The following XPO6 variants were observed in gnomAD, a reference collection of about 807,000 sequenced individuals.
XPO6 encodes exportin-6.
XPO6 carries 3 observed loss-of-function variants against 130.0 expected under a neutral mutation model. That is an observed-to-expected ratio of 0.02 (90% CI 0.01 to 0.06). XPO6 has a LOEUF of 0.06. Ranked by LOEUF, XPO6 falls within the 10% of genes least tolerant of loss-of-function variation. The probability of loss-of-function intolerance (pLI) is 1.00; values close to 1 mark genes in which losing one functional copy is unlikely to be tolerated. For synonymous variants in XPO6, 524 were observed against 548.9 expected (o/e 0.95, Z 0.63); for missense variants, 970 against 1,393.0 (o/e 0.70, Z 4.83).
chr16:28,173,199 G>A (rs2043482247), intron 4 of XPO6: 1 of 152,124 alleles, frequency 6.6e-6, no homozygotes, highest in East Asian at 1.9e-4. Flanking sequence ...AGGAGGTCCT[G>A]GAACCAATCC....
In XPO6 at chr16:28,133,900, T is replaced by C; in HGVS notation, c.1477A>G (p.Ser493Gly). 1 of 1,614,040 alleles carries C rather than the reference T, an allele frequency of 6.2e-7. No individual in the cohort carries two copies. Among genetic ancestry groups the C allele is most frequent in the Non-Finnish European group, 8.5e-7 (1 of 1,180,002 alleles). The stretch of plus-strand genomic sequence containing the variant: ...ATCACTTTGGCCACCACCTCCAAGC[T>C]CTGCCGTAAGTACCGCTGCCACTCC... ...QTEWQRYLRQSLEVVAKVMEL... is the reference protein window; with the variant it reads ...QTEWQRYLRQGLEVVAKVMEL... Residue 493 changes from serine (S) to glycine (G), a missense_variant, in exon 11 of 24, where the codon AGC (serine) becomes GGC (glycine). Around this residue, in one of 4 missense-constraint regions of XPO6, gnomAD observed 936 missense variants for 1,306.8 expected, o/e 0.72. Coordinates refer to ENST00000304658, the MANE Select transcript of XPO6 (RefSeq NM_015171.4).
chr16:28,181,166 T>C lies in XPO6; in HGVS notation c.4-135A>G, dbSNP rs2141872275. The stretch of plus-strand genomic sequence containing the variant: ...CTTGGTTCAACATTCTTCAAATGCA[T>C]GGTATATGCCAGAAAAAACTGAAGG... On this transcript the variant is annotated intron_variant, in intron 1 of 23. Coordinates refer to ENST00000304658, the MANE Select transcript of XPO6 (RefSeq NM_015171.4). 3.1e-6 allele frequency: 2 copies of C among 649,458 alleles called. 1 individual carries two copies. Among genetic ancestry groups the C allele is most frequent in the Middle Eastern group, 5.3e-4 (2 of 3,742 alleles). 40.2% of individuals were successfully genotyped at this position (649,458 alleles called of 1,614,324 possible). A position where few individuals can be genotyped will look rare whatever the true frequency, so the allele number is the denominator to read the frequency against.
chr16:28,112,625 C>G (rs949604114), intron 16 of XPO6, among the ~76,000 whole-genome samples: 18 of 152,276 alleles, frequency 1.2e-4, no homozygotes, highest in African/African-American at 4.1e-4. Flanking sequence ...AGAATTCTCA[C>G]AACACTGGCC....
At chr16:28,105,145 TGGTCTTACACAACCAC>T (rs1052510538) in intron 20 of XPO6, among the ~76,000 whole-genome samples, 6 of 152,356 alleles carry the variant, frequency 3.9e-5, no homozygotes, top group African/African-American at 1.4e-4. Context: ...ACTAACCTGT[TGGTCTTACACAACCAC>T]GGAGGCTAAA....
chr16:28,135,790 C>A (rs1444498505), intron 9 of XPO6, among the ~76,000 whole-genome samples: 1 of 152,158 alleles, frequency 6.6e-6, no homozygotes, highest in African/African-American at 2.4e-5. Flanking sequence ...ACAGGAGAAT[C>A]TAATCCACTA....
chr16:28,148,015 C>CA (rs2043016613), intron 8 of XPO6, among the ~76,000 whole-genome samples: 2 of 152,164 alleles, frequency 1.3e-5, no homozygotes, highest in Non-Finnish European at 1.5e-5. Context: ...AAGAGACACA[C>CA]TCTTGTCCTA....
At chr16:28,134,935 G>A (rs1380346218) in intron 10 of XPO6, among the ~76,000 whole-genome samples, 2 of 152,158 alleles carry the variant, frequency 1.3e-5, no homozygotes, top group African/African-American at 4.8e-5. Flanking sequence ...GAGACAGAGA[G>A]GATACAGAGT....
intron 1 of XPO6, among the ~76,000 whole-genome samples, chr16:28,209,877 G>A (rs942920602): frequency 2.0e-5 from 3 of 152,036 alleles, no homozygotes; most frequent in South Asian, 2.1e-4. Flanking sequence ...GGTGGCTCAC[G>A]CCTGTAATCC....
chr16:28,098,475 G>T lies in XPO6; in HGVS notation c.*63C>A. 6.9e-7 allele frequency: 1 copy of T among 1,448,986 alleles called. No individual in the cohort carries two copies. The highest frequency in any genetic ancestry group is 9.5e-7 in the Non-Finnish European group (1 of 1,047,238). The allele number at this position is 1,448,986 out of a possible 1,614,324, so 89.8% of individuals were successfully genotyped here. A position where few individuals can be genotyped will look rare whatever the true frequency, so the allele number is the denominator to read the frequency against. ...AAGGCCCATCTGGGAGACATCTGTGGTGGAAGGTAGGGCTGGCGCAGGTGG... is the reference window on the plus strand; with the variant it reads ...AAGGCCCATCTGGGAGACATCTGTGTTGGAAGGTAGGGCTGGCGCAGGTGG... On this transcript the variant is annotated 3_prime_UTR_variant, in exon 24 of 24. Coordinates refer to ENST00000304658, the MANE Select transcript of XPO6 (RefSeq NM_015171.4).
At chr16:28,201,743 C>G (rs924668871) in intron 1 of XPO6, among the ~76,000 whole-genome samples, 2 of 152,160 alleles carry the variant, frequency 1.3e-5, no homozygotes. Flanking sequence ...GTAGTCCCAG[C>G]TACTCGGGAG....
In XPO6 at chr16:28,101,849, T is replaced by C; in HGVS notation, c.3043A>G (p.Lys1015Glu). The change falls in exon 22 of 24, where the codon AAG (lysine) becomes GAG (glutamate). Residue 1015 changes from lysine (K) to glutamate (E), a missense_variant and splice_region_variant. Lys to Glu is a moderately conservative substitution (Grantham distance 56). Around this residue, in one of 4 missense-constraint regions of XPO6, gnomAD observed 936 missense variants for 1,306.8 expected, o/e 0.72. Transcript: ENST00000304658. This position sits in a 1 kb window ranked among gnomAD's most constrained non-coding sequence, Gnocchi z 5.4. ...TLNTKQKLYHKKIFRTAMLFQ... is the reference protein window; with the variant it reads ...TLNTKQKLYHEKIFRTAMLFQ... ...TTTCCAAGAGCTGGGGCACTTACCTTGTGGTACAGCTTCTGCTTGGTGTTG... is the reference window on the plus strand; with the variant it reads ...TTTCCAAGAGCTGGGGCACTTACCTCGTGGTACAGCTTCTGCTTGGTGTTG... The C allele has an allele frequency of 6.2e-7, 1 of 1,613,866 alleles. No individual in the cohort carries two copies. Among genetic ancestry groups the C allele is most frequent in the Non-Finnish European group, 8.5e-7 (1 of 1,179,846 alleles).
At chr16:28,180,833 A>G in intron 2 of XPO6, 108 bp downstream of exon 2, 1 of 811,692 alleles carries the variant, frequency 1.2e-6, no homozygotes, top group Non-Finnish European at 1.8e-6. Context: ...GCAAGAATTC[A>G]AGTGGAAAGC....
chr16:28,128,077 A>T (rs992991956), intron 12 of XPO6, among the ~76,000 whole-genome samples: 4 of 152,210 alleles, frequency 2.6e-5, no homozygotes, highest in African/African-American at 9.7e-5. Flanking sequence ...GAAAGGGAAC[A>T]CAGACTTCAT....
At chr16:28,100,650 G>A (rs568025875) in intron 23 of XPO6, among the ~76,000 whole-genome samples, 1 of 152,360 alleles carries the variant, frequency 6.6e-6, no homozygotes, top group African/African-American at 2.4e-5. Flanking sequence ...GGACCAGGGA[G>A]AAAGCGATTT....
At chr16:28,146,330 G>A (rs2042982222) in intron 8 of XPO6, 127 bp from the exon 9 acceptor site, 1 of 764,468 alleles carries the variant, frequency 1.3e-6, no homozygotes, top group Non-Finnish European at 2.1e-6. Context: ...CAGTTTCCTG[G>A]TAACCAAAAC....
intron 9 of XPO6, among the ~76,000 whole-genome samples, chr16:28,140,628 A>T (rs1382378045): frequency 6.6e-6 from 1 of 151,782 alleles, no homozygotes; most frequent in Non-Finnish European, 1.5e-5. Flanking sequence ...CAGTGAGCCA[A>T]GATCACGCCA....
chr16:28,135,311 G>C lies in XPO6; in HGVS notation c.1348C>G (p.Leu450Val), dbSNP rs765098197. ...EAVLNRYEDA[L>V]VLLLTEVLNR... is the part of the protein sequence containing the mutation. ...AACACCTCTGTGAGCAGGAGCACCA[G>C]GGCATCTTCGTACCTATGTGGCAGG... Residue 450 changes from leucine to valine, a missense_variant, in exon 10 of 24, where the codon CTG becomes GTG. Transcript: ENST00000304658. 3.1e-6 allele frequency: 5 copies of C among 1,613,634 alleles called. No homozygotes were observed. In the Admixed American group the frequency reaches 8.3e-5, roughly 27 times the overall value.
At chr16:28,203,661 C>G (rs1476628489) in intron 1 of XPO6, among the ~76,000 whole-genome samples, 1 of 152,198 alleles carries the variant, frequency 6.6e-6, no homozygotes, top group East Asian at 1.9e-4. Context: ...CTGATTAAAA[C>G]TTTCTACTAC....
intron 7 of XPO6, chr16:28,155,760 A>C: frequency 3.2e-6 from 1 of 314,128 alleles, no homozygotes; most frequent in Non-Finnish European, 5.4e-6. Flanking sequence ...CAGTCCCTGC[A>C]CCACCTCAGA....
Sources: gnomAD v4.1 joint callset for allele counts (sites outside exome capture counted in the v4.1 genomes callset) on GRCh38, gnomAD v4.1.1 for gene constraint, gnomAD v4.1.1 regional missense constraint, Gnocchi (gnomAD v3.1) non-coding constraint, MANE v1.5 for transcripts, NCBI Gene and HGNC (gene_info 2026-07-23, HGNC 2026-07-21) for gene names.